GFRA2: variants seen among roughly 807,000 people sequenced by gnomAD.
The protein encoded by GFRA2 is GDNF family receptor alpha 2.
GFRA2 carries 17 observed loss-of-function variants against 48.3 expected under a neutral mutation model. That is an observed-to-expected ratio of 0.35 (90% CI 0.24 to 0.53). The LOEUF is 0.53. GFRA2 is among the 20% of genes least tolerant of loss of function. The pLI is 0.93. For missense variants in GFRA2, 660 were observed against 637.3 expected (o/e 1.04, Z -0.38); for synonymous variants, 305 against 257.2 (o/e 1.19, Z -1.78).
upstream of GFRA2, among the ~76,000 whole-genome samples, chr8:21,793,081 A>C (rs1459925904): frequency 1.3e-5 from 2 of 152,020 alleles, no homozygotes; most frequent in African/African-American, 4.8e-5. Context: ...AAAAAAGAGA[A>C]AGTTCTCAGG....
chr8:21,788,031 T>TACCCC, intron 1 of GFRA2, 89 bp downstream of exon 1: 1 of 432,236 alleles, frequency 2.3e-6, no homozygotes, highest in Non-Finnish European at 3.8e-6. Flanking sequence ...CCCGCCGACC[T>TACCCC]CCCGCCAGCC....
intron 3 of GFRA2, among the ~76,000 whole-genome samples, chr8:21,753,773 A>G (rs1216329517): frequency 1.3e-5 from 2 of 152,216 alleles, no homozygotes; most frequent in African/African-American, 2.4e-5. Context: ...TTGTGATTAC[A>G]AGCAAATGTA....
intron 2 of GFRA2, among the ~76,000 whole-genome samples, chr8:21,777,699 T>C (rs1430783841): frequency 6.6e-6 from 1 of 151,838 alleles, no homozygotes; most frequent in Admixed American, 6.6e-5. Context: ...AAACTGGTGG[T>C]GGTAATGGCA....
chr8:21,763,150 T>C (rs534408760), intron 3 of GFRA2, among the ~76,000 whole-genome samples: 149 of 152,348 alleles, frequency 9.8e-4, no homozygotes, highest in African/African-American at 3.4e-3. Context: ...TGCAAAAATC[T>C]TCAAAAGCCA....
chr8:21,736,105 C>T (rs1475641823), intron 4 of GFRA2, among the ~76,000 whole-genome samples: 4 of 152,382 alleles, frequency 2.6e-5, no homozygotes, highest in East Asian at 1.9e-4. Flanking sequence ...TTACTGCCTG[C>T]GCATACCCTT....
intron 4 of GFRA2, among the ~76,000 whole-genome samples, chr8:21,708,601 A>G (rs2117384439): frequency 6.6e-6 from 1 of 152,350 alleles, no homozygotes; most frequent in South Asian, 2.1e-4. Flanking sequence ...TCAAGTTAAG[A>G]TGAGGTCACA....
chr8:21,737,542 C>T (rs1380585866), intron 4 of GFRA2, among the ~76,000 whole-genome samples: 1 of 151,950 alleles, frequency 6.6e-6, no homozygotes, highest in African/African-American at 2.4e-5. Context: ...CCTGCCTGTT[C>T]AGTGTCTTCC....
chr8:21,758,202 TCC>T (rs746562156), intron 3 of GFRA2, among the ~76,000 whole-genome samples: 1 of 111,788 alleles, frequency 8.9e-6, no homozygotes, highest in East Asian at 2.8e-4. Flanking sequence ...CTTGGCCCAC[TCC>T]CCACACACAC....
At chr8:21,746,516 T>C (rs1245616701) in intron 4 of GFRA2, among the ~76,000 whole-genome samples, 1 of 152,086 alleles carries the variant, frequency 6.6e-6, no homozygotes, top group Non-Finnish European at 1.5e-5. Flanking sequence ...CTACTCAGGA[T>C]CCCAGGCCTC....
intron 4 of GFRA2, among the ~76,000 whole-genome samples, chr8:21,723,277 C>G (rs1209409253): frequency 6.6e-6 from 1 of 152,192 alleles, no homozygotes; most frequent in African/African-American, 2.4e-5. Context: ...GTTCAGGCAT[C>G]TGGCAAGGTT....
Position 21,750,968 on chromosome 8 carries a change from C to G in GFRA2, c.440-26G>C, listed in dbSNP as rs370066569. The stretch of plus-strand genomic sequence containing the variant: ...CTGGAGGAGGAACAAGAGAGCAGGT[C>G]AGAGGCCACACAAGCATGAGGAGGA... On this transcript the variant is annotated intron_variant, in intron 3 of 8. Transcript: ENST00000524240. This position sits in a 1 kb window ranked among gnomAD's most constrained non-coding sequence, Gnocchi z 5.7. 4 of 1,498,558 alleles carry G rather than the reference C, an allele frequency of 2.7e-6. No homozygotes were observed. The African/African-American group carries it at 5.5e-5, about 21-fold the overall frequency. 92.8% of individuals were successfully genotyped at this position (1,498,558 alleles called of 1,614,324 possible).
chr8:21,694,292 C>A (rs1174204997), intron 8 of GFRA2, among the ~76,000 whole-genome samples, 172 bp downstream of exon 8: 1 of 151,720 alleles, frequency 6.6e-6, no homozygotes, highest in African/African-American at 2.4e-5. Context: ...ATGCAGCCTT[C>A]GCACTCCCCC....
At chr8:21,800,114 G>A (rs1807745177) in intron 2 of GFRA2, among the ~76,000 whole-genome samples, 3 of 152,194 alleles carry the variant, frequency 2.0e-5, no homozygotes, top group Admixed American at 1.3e-4. Flanking sequence ...GGATCCTAAG[G>A]GAAGTGATCA....
chr8:21,790,084 C>G, upstream of GFRA2: 1 of 985,408 alleles, frequency 1.0e-6, no homozygotes, highest in Non-Finnish European at 1.2e-6. Context: ...GTGTTTTAGT[C>G]GCAGAATTTA....
At chr8:21,804,191 T>G (rs1277408004) in intron 2 of GFRA2, among the ~76,000 whole-genome samples, 1 of 140,744 alleles carries the variant, frequency 7.1e-6, no homozygotes, top group Non-Finnish European at 1.5e-5. Flanking sequence ...TAATTTTACA[T>G]ACATACATGC....
chr8:21,720,298 G>A (rs2117442304), intron 4 of GFRA2, among the ~76,000 whole-genome samples: 1 of 152,266 alleles, frequency 6.6e-6, no homozygotes, highest in Middle Eastern at 3.4e-3. Context: ...AAATCCCCTG[G>A]GTTCAAGCCC....
intron 3 of GFRA2, among the ~76,000 whole-genome samples, 164 bp from the exon 4 acceptor site, chr8:21,751,106 C>A (rs1196724821): frequency 6.6e-6 from 1 of 152,130 alleles, no homozygotes; most frequent in African/African-American, 2.4e-5. Flanking sequence ...ACAGGACCTA[C>A]CTCCTAAAGC....
chr8:21,702,599 C>T (rs768340873), intron 7 of GFRA2, among the ~76,000 whole-genome samples: 2 of 152,246 alleles, frequency 1.3e-5, no homozygotes, highest in Non-Finnish European at 2.9e-5. Flanking sequence ...GCAGGTATAA[C>T]ACTGTGATGT....
chr8:21,739,643 G>T (rs1279287950), intron 4 of GFRA2, among the ~76,000 whole-genome samples: 3 of 152,140 alleles, frequency 2.0e-5, no homozygotes, highest in Admixed American at 6.5e-5. Flanking sequence ...ACAAGAAGGA[G>T]AGCAGGGCTG....
Sources: allele counts gnomAD v4.1 joint callset (sites outside exome capture counted in the v4.1 genomes callset), GRCh38; gene constraint gnomAD v4.1.1; non-coding constraint Gnocchi (gnomAD v3.1); transcripts MANE v1.5; gene names NCBI Gene and HGNC (gene_info 2026-07-23, HGNC 2026-07-21).